Variants in ANO10 observed in about 807,000 individuals in gnomAD.
ANO10 encodes anoctamin 10, also known as anoctamin-10.
In ANO10, 77 loss-of-function variants were observed where a neutral mutation model predicts 74.7. The observed-to-expected ratio is 1.03, with a 90% CI of 0.86 to 1.25. ANO10 has a LOEUF of 1.25. Among genes scored for constraint, ANO10 ranks in the 50% most tolerant of loss-of-function variants. The pLI is 0.00. For missense variants in ANO10, 721 were observed against 778.1 expected (o/e 0.93, Z 0.87); for synonymous variants, 279 against 284.9 (o/e 0.98, Z 0.21).
At chr3:43,461,016 G>A (rs867550355) in intron 11 of ANO10, among the ~76,000 whole-genome samples, 1 of 148,784 alleles carries the variant, frequency 6.7e-6, no homozygotes, top group African/African-American at 2.4e-5. Flanking sequence ...AGGAAAAAAT[G>A]AAGAAAATAT....
chr3:43,623,345 A>G (rs2083459337), upstream of ANO10, among the ~76,000 whole-genome samples: 1 of 152,204 alleles, frequency 6.6e-6, no homozygotes, highest in African/African-American at 2.4e-5. Flanking sequence ...TACCTAATTT[A>G]TAAATGAAAC....
At chr3:43,536,314 C>T (rs1030048162) in intron 11 of ANO10, among the ~76,000 whole-genome samples, 3 of 152,190 alleles carry the variant, frequency 2.0e-5, no homozygotes, top group East Asian at 3.8e-4. Context: ...TCCCAGTGTG[C>T]CACTTCCTAT....
chr3:43,651,066 AG>A (rs1475840660), intron 1 of ANO10, among the ~76,000 whole-genome samples: 1 of 152,214 alleles, frequency 6.6e-6, no homozygotes, highest in Non-Finnish European at 1.5e-5. Flanking sequence ...CTTATACAAA[AG>A]CTGTTTTCCA....
chr3:43,537,595 AGG>A (rs1385270433), intron 11 of ANO10, among the ~76,000 whole-genome samples: 4 of 147,020 alleles, frequency 2.7e-5, no homozygotes, highest in African/African-American at 1.0e-4. Flanking sequence ...GGCTCAGAGC[AGG>A]CATACTTTAT....
intron 11 of ANO10, among the ~76,000 whole-genome samples, chr3:43,449,348 C>A (rs2074741212): frequency 6.6e-6 from 1 of 151,824 alleles, no homozygotes; most frequent in Admixed American, 6.6e-5. Flanking sequence ...TAAATTATTT[C>A]TTTCAAGCTT....
intron 12 of ANO10, among the ~76,000 whole-genome samples, chr3:43,378,728 G>A (rs2091881470): frequency 6.6e-6 from 1 of 152,160 alleles, no homozygotes; most frequent in African/African-American, 2.4e-5. Flanking sequence ...GATGACGGCT[G>A]TGAGTCATCA....
intron 7 of ANO10, among the ~76,000 whole-genome samples, chr3:43,571,003 C>A (rs1559719603): frequency 1.4e-5 from 2 of 147,718 alleles, no homozygotes; most frequent in African/African-American, 5.3e-5. Context: ...AAACAAACAA[C>A]CCCATCAAAA....
intron 11 of ANO10, among the ~76,000 whole-genome samples, chr3:43,529,457 T>G (rs1197594645): frequency 6.6e-6 from 1 of 152,056 alleles, no homozygotes; most frequent in Non-Finnish European, 1.5e-5. Flanking sequence ...GCCCAAGAGG[T>G]CCAGGTGATG....
chr3:43,597,497 C>A (rs1185326023), intron 4 of ANO10, among the ~76,000 whole-genome samples: 2 of 152,006 alleles, frequency 1.3e-5, no homozygotes, highest in Non-Finnish European at 2.9e-5. Flanking sequence ...TCATTCTCAG[C>A]AAACTATCGC....
intron 1 of ANO10, among the ~76,000 whole-genome samples, chr3:43,677,046 A>G (rs997359853): frequency 4.6e-5 from 7 of 152,218 alleles, no homozygotes; most frequent in African/African-American, 1.7e-4. Context: ...TACCATGTTC[A>G]TCACAGCACT....
chr3:43,641,913 C>T (rs1272870274), intron 1 of ANO10, among the ~76,000 whole-genome samples: 1 of 152,154 alleles, frequency 6.6e-6, no homozygotes, highest in Non-Finnish European at 1.5e-5. Context: ...TCCTTACCAC[C>T]TACCCACCCA....
chr3:43,484,487 G>A (rs1001806542), intron 11 of ANO10, among the ~76,000 whole-genome samples: 1 of 152,130 alleles, frequency 6.6e-6, no homozygotes. Context: ...CAGTTTTGCA[G>A]GGTAATTTCA....
chr3:43,597,273 A>T (rs1404396731), intron 4 of ANO10, among the ~76,000 whole-genome samples: 1 of 152,200 alleles, frequency 6.6e-6, no homozygotes, highest in African/African-American at 2.4e-5. Context: ...TATATACCCG[A>T]AGGATTATAA....
At chr3:43,534,465 C>T (rs1029057696) in intron 11 of ANO10, among the ~76,000 whole-genome samples, 1 of 146,778 alleles carries the variant, frequency 6.8e-6, no homozygotes, top group Non-Finnish European at 1.5e-5. Flanking sequence ...TGCATGTGAA[C>T]GTGCGCGCAT....
At chr3:43,488,918 G>C (rs1402574485) in intron 11 of ANO10, among the ~76,000 whole-genome samples, 27 of 151,706 alleles carry the variant, frequency 1.8e-4, no homozygotes, top group African/African-American at 5.3e-4. Flanking sequence ...TTGGAACCAA[G>C]CCAAATGTCC....
chr3:43,612,408 C>A (rs1161751384), intron 1 of ANO10, among the ~76,000 whole-genome samples: 2 of 151,998 alleles, frequency 1.3e-5, no homozygotes, highest in Non-Finnish European at 2.9e-5. Flanking sequence ...TCTCCCCAGC[C>A]TCAGCTTCCT....
chr3:43,399,675 T>G (rs2092444636), intron 12 of ANO10, among the ~76,000 whole-genome samples: 1 of 152,196 alleles, frequency 6.6e-6, no homozygotes, highest in Admixed American at 6.5e-5. Context: ...GTACGTAGAC[T>G]GCATATAACA....
intron 12 of ANO10, chr3:43,372,859 G>C: frequency 6.5e-7 from 1 of 1,534,920 alleles, no homozygotes; most frequent in Middle Eastern, 1.7e-4. Flanking sequence ...TGCAGTAGCA[G>C]CCAGAGAAAT....
chr3:43,586,419 A>G (rs2149434061), intron 4 of ANO10, among the ~76,000 whole-genome samples: 1 of 152,278 alleles, frequency 6.6e-6, no homozygotes, highest in African/African-American at 2.4e-5. Flanking sequence ...ACTGCCAGGT[A>G]AAATCTGAGC....
Sources: gnomAD v4.1 joint callset for allele counts (sites outside exome capture counted in the v4.1 genomes callset) on GRCh38, gnomAD v4.1.1 for gene constraint, MANE v1.5 for transcripts, NCBI Gene and HGNC (gene_info 2026-07-23, HGNC 2026-07-21) for gene names.